Variants in POMP observed in about 807,000 individuals in gnomAD.
POMP encodes proteasome maturation protein.
Under a neutral mutation model 20.6 loss-of-function variants are expected in POMP, and 12 were observed. That is an observed-to-expected ratio of 0.58 (90% CI 0.37 to 0.94). POMP has a LOEUF of 0.94. Ranked by LOEUF, POMP falls within the 40% of genes least tolerant of loss-of-function variation. The pLI, the probability that POMP is intolerant of heterozygous loss-of-function variation, is 0.01. For missense variants in POMP, 136 were observed against 161.1 expected, an observed-to-expected ratio of 0.84 and a Z score of 0.84; for synonymous variants, 53 against 55.0, an observed-to-expected ratio of 0.96 and a Z score of 0.16.
Position 28,668,222 on chromosome 13 carries a change from CCTTTA to C in POMP, c.163-246_163-242del, listed in dbSNP as rs1351253701. On this transcript the variant is annotated intron_variant, in intron 3 of 5. Coordinates refer to ENST00000380842, the MANE Select transcript of POMP (RefSeq NM_015932.6). ...TCTACTTTTGAATAGGAGACACATT[CCTTTA>C]CTTTTATAAATTTGGAATTTTGGTA... 6.6e-5 allele frequency among the ~76,000 whole-genome samples: 10 copies of C among 152,186 alleles called. No individual in the cohort carries two copies. In the East Asian group the frequency reaches 1.9e-3, roughly 29 times the overall value.
Position 28,662,493 on chromosome 13 carries a change from T to A in POMP, c.87T>A (p.Asp29Glu). Residue 29 changes from aspartate (D) to glutamate (E), a missense_variant, in exon 2 of 6, where the codon GAT becomes GAA. Coordinates refer to ENST00000380842, the MANE Select transcript of POMP (RefSeq NM_015932.6). ...CAAGTGGACCTTTTGAAAGTCATGA[T>A]CTTCTTCGGAAAGGGTATATGGGGG... ...LSASGPFESH[D>E]LLRKGFSCVK... The A allele has an allele frequency of 1.9e-6, 3 of 1,611,674 alleles. No individual in the cohort carries two copies. Among genetic ancestry groups the A allele is most frequent in the Non-Finnish European group, 2.5e-6 (3 of 1,177,754 alleles).
intron 2 of POMP, 61 bp downstream of exon 2, chr13:28,662,568 T>C: frequency 7.3e-7 from 1 of 1,370,688 alleles, no homozygotes; most frequent in Admixed American, 1.7e-5. Context: ...ACAATATTCT[T>C]TAAGTATTTT....
chr13:28,660,505 A>C (rs1287846258), intron 1 of POMP, among the ~76,000 whole-genome samples: 1 of 152,190 alleles, frequency 6.6e-6, no homozygotes, highest in East Asian at 1.9e-4. Context: ...AGGTGTGTTA[A>C]ATGTGTTTTT....
chr13:28,676,724 C>T lies in POMP; in HGVS notation c.359-1311C>T, dbSNP rs191963514. Among the ~76,000 whole-genome samples, 175 of 152,218 alleles carry T rather than the reference C, an allele frequency of 1.1e-3. 1 individual carries two copies. The highest frequency in any genetic ancestry group is 3.2e-3 in the Admixed American group (49 of 15,286). ...AGGCAAGTTAATTCTGTACATTTTA[C>T]AAGATTAAGAAGGACGTATAAGGAC... On this transcript the variant is annotated intron_variant, in intron 5 of 5. Transcript: ENST00000380842.
chr13:28,667,949 T>C (rs1448821735), intron 3 of POMP, among the ~76,000 whole-genome samples: 1 of 152,188 alleles, frequency 6.6e-6, no homozygotes, highest in African/African-American at 2.4e-5. Flanking sequence ...GAATAAACTT[T>C]TGAGAGATGT....
At chr13:28,669,687 T>C (rs1170799784) in intron 4 of POMP, among the ~76,000 whole-genome samples, 1 of 152,250 alleles carries the variant, frequency 6.6e-6, no homozygotes, top group African/African-American at 2.4e-5. Flanking sequence ...ATCCTTGTTC[T>C]CAGGTGTCTC....
rs778680440 is a variant in POMP at position 28,659,156 on chromosome 13, C to A, written c.-29C>A. On this transcript the variant is annotated 5_prime_UTR_variant, in exon 1 of 6. Transcript: ENST00000380842. ...GCGGGGTCGACTGACGGTAACGGGG[C>A]AGAGAGGCTGTTCGCAGAGCTGCGG... 6 of 1,580,866 alleles carry A rather than the reference C, an allele frequency of 3.8e-6. No individual in the cohort carries two copies. The highest frequency in any genetic ancestry group is 3.4e-6 in the Non-Finnish European group (4 of 1,164,272).
intron 3 of POMP, among the ~76,000 whole-genome samples, chr13:28,664,896 A>G (rs1884414959): frequency 6.6e-6 from 1 of 152,134 alleles, no homozygotes; most frequent in South Asian, 2.1e-4. Context: ...CCAAGTTCAT[A>G]TCTCTAGTTT....
intron 3 of POMP, among the ~76,000 whole-genome samples, chr13:28,666,633 C>T (rs1884453076): frequency 6.6e-6 from 1 of 152,154 alleles, no homozygotes; most frequent in Non-Finnish European, 1.5e-5. Flanking sequence ...ATGTGGGCAC[C>T]CCACTTTGCT....
intron 5 of POMP, among the ~76,000 whole-genome samples, chr13:28,677,120 A>G (rs1039253255): frequency 6.6e-6 from 1 of 152,132 alleles, no homozygotes; most frequent in Admixed American, 6.5e-5. Flanking sequence ...CTCGTTCCCT[A>G]ATTACCGGCT....
chr13:28,659,501 G>A (rs1001489626), intron 1 of POMP, among the ~76,000 whole-genome samples: 1 of 152,184 alleles, frequency 6.6e-6, no homozygotes, highest in Non-Finnish European at 1.5e-5. Flanking sequence ...AAGTGGAAAA[G>A]GCAGCCGTGA....
rs369849797 is a variant in POMP, at chr13:28,678,125, G to A, written c.*23G>A. On this transcript the variant is annotated 3_prime_UTR_variant, in exon 6 of 6. Coordinates refer to ENST00000380842, the MANE Select transcript of POMP (RefSeq NM_015932.6). Reference sequence around the variant, plus strand: ...TAATAGTGTGCTGTTCATGGAAACCGAGGGCTGCATCTTGTTTATAGTCAT... The same window carrying A: ...TAATAGTGTGCTGTTCATGGAAACCAAGGGCTGCATCTTGTTTATAGTCAT... The A allele has an allele frequency of 8.2e-5, 131 of 1,599,404 alleles. No homozygotes were observed. The highest frequency in any genetic ancestry group is 1.3e-4 in the African/African-American group (10 of 74,618).
At chr13:28,672,074 G>T (rs543659535) in intron 4 of POMP, among the ~76,000 whole-genome samples, 1 of 152,186 alleles carries the variant, frequency 6.6e-6, no homozygotes, top group Admixed American at 6.5e-5. Flanking sequence ...GGTATATGCC[G>T]TAGTTTTCCT....
intron 3 of POMP, among the ~76,000 whole-genome samples, chr13:28,666,488 G>T (rs981129314): frequency 1.3e-5 from 2 of 152,122 alleles, no homozygotes; most frequent in African/African-American, 4.8e-5. Context: ...AAACTTCAGA[G>T]ATCTTTTTGA....
At chr13:28,667,092 A>G (rs746797433) in intron 3 of POMP, among the ~76,000 whole-genome samples, 12 of 152,336 alleles carry the variant, frequency 7.9e-5, no homozygotes, top group South Asian at 2.1e-4. Context: ...TAGGCTGTTC[A>G]GTTTTGTTGT....
intron 2 of POMP, 61 bp from the exon 3 acceptor site, chr13:28,664,448 G>A: frequency 1.7e-6 from 2 of 1,147,440 alleles, no homozygotes; most frequent in South Asian, 2.7e-5. Flanking sequence ...ATGATTTTGA[G>A]CTCTGGGTAT....
chr13:28,659,462 C>A (rs1405039573), intron 1 of POMP, among the ~76,000 whole-genome samples: 5 of 152,196 alleles, frequency 3.3e-5, no homozygotes, highest in African/African-American at 1.2e-4. Flanking sequence ...CCCCAGCAGG[C>A]CCAGACCTCC....
intron 1 of POMP, among the ~76,000 whole-genome samples, chr13:28,661,567 G>A (rs879511997): frequency 7.2e-5 from 11 of 152,190 alleles, no homozygotes; most frequent in Non-Finnish European, 1.5e-4. Flanking sequence ...GCCCCGGGAG[G>A]TAGACATGTA....
intron 3 of POMP, among the ~76,000 whole-genome samples, chr13:28,664,841 A>T (rs926177599): frequency 2.6e-5 from 4 of 151,922 alleles, no homozygotes; most frequent in African/African-American, 9.7e-5. Flanking sequence ...TCTTTCAATA[A>T]TGCTGTTTCT....
Sources: allele counts gnomAD v4.1 joint callset (sites outside exome capture counted in the v4.1 genomes callset), GRCh38; gene constraint gnomAD v4.1.1; transcripts MANE v1.5; gene names NCBI Gene and HGNC (gene_info 2026-07-23, HGNC 2026-07-21).